CDH13: variants seen among roughly 807,000 people sequenced by gnomAD.
The protein encoded by CDH13 is cadherin-13.
Under a neutral mutation model 63.8 loss-of-function variants are expected in CDH13, and 24 were observed. The observed-to-expected ratio is 0.38, with a 90% CI of 0.27 to 0.53. The LOEUF (loss-of-function observed/expected upper bound fraction) is 0.53. CDH13 is among the 20% of genes least tolerant of loss of function. The pLI, the probability that CDH13 is intolerant of heterozygous loss-of-function variation, is 0.85. For synonymous variants in CDH13, 503 were observed against 355.3 expected (o/e 1.42, Z -4.67); for missense variants, 1,049 against 903.1 (o/e 1.16, Z -2.07).
At chr16:82,741,357 G>A (rs927481592) in intron 1 of CDH13, among the ~76,000 whole-genome samples, 7 of 152,054 alleles carry the variant, frequency 4.6e-5, no homozygotes, top group African/African-American at 1.7e-4. Flanking sequence ...ATGTTTATTC[G>A]TCAGAGCCCA....
intron 6 of CDH13, among the ~76,000 whole-genome samples, chr16:83,463,580 C>G (rs2073234087): frequency 6.6e-6 from 1 of 152,172 alleles, no homozygotes; most frequent in Admixed American, 6.5e-5. Context: ...GCAGGAGGTT[C>G]ACTTGAGCTT....
chr16:83,179,591 G>T (rs986768280), intron 4 of CDH13, among the ~76,000 whole-genome samples: 9 of 151,706 alleles, frequency 5.9e-5, no homozygotes, highest in South Asian at 2.1e-4. Context: ...GGTGGAGCTT[G>T]CAGTGAGCCG....
chr16:82,747,587 T>C (rs545114012), intron 1 of CDH13, among the ~76,000 whole-genome samples: 3 of 152,206 alleles, frequency 2.0e-5, no homozygotes, highest in South Asian at 2.1e-4. Context: ...CTTTGGAGAA[T>C]GGCACTACTG....
At chr16:83,582,553 A>G (rs1322578241) in intron 7 of CDH13, among the ~76,000 whole-genome samples, 2 of 152,188 alleles carry the variant, frequency 1.3e-5, no homozygotes, top group African/African-American at 2.4e-5. Context: ...GATCCTTCCC[A>G]GCCCACCCAC....
At chr16:83,464,732 T>C (rs1182930167) in intron 6 of CDH13, among the ~76,000 whole-genome samples, 1 of 152,144 alleles carries the variant, frequency 6.6e-6, no homozygotes, top group Non-Finnish European at 1.5e-5. Flanking sequence ...TCATTTTAAC[T>C]AATTACATCC....
intron 1 of CDH13, among the ~76,000 whole-genome samples, chr16:82,750,416 C>G (rs568436961): frequency 2.0e-5 from 3 of 152,302 alleles, no homozygotes; most frequent in Non-Finnish European, 2.9e-5. Context: ...ATCACCCACT[C>G]TCTCCTTCTT....
At chr16:82,803,212 A>G (rs1169716655) in intron 1 of CDH13, among the ~76,000 whole-genome samples, 1 of 152,238 alleles carries the variant, frequency 6.6e-6, no homozygotes, top group East Asian at 1.9e-4. Flanking sequence ...TAAGATGTGT[A>G]GTCCATGGTG....
At chr16:83,468,760 T>G (rs1030529660) in intron 6 of CDH13, among the ~76,000 whole-genome samples, 26 of 152,226 alleles carry the variant, frequency 1.7e-4, no homozygotes, top group Admixed American at 2.6e-4. Flanking sequence ...TGTGTAAAGT[T>G]TTTAAAATTT....
chr16:83,449,140 G>C (rs1164671508), intron 6 of CDH13, among the ~76,000 whole-genome samples: 1 of 152,094 alleles, frequency 6.6e-6, no homozygotes, highest in Non-Finnish European at 1.5e-5. Flanking sequence ...ACATTCCTCT[G>C]GACAAAATAA....
chr16:83,601,327 C>G (rs753188437), intron 7 of CDH13, among the ~76,000 whole-genome samples: 5 of 152,206 alleles, frequency 3.3e-5, no homozygotes, highest in African/African-American at 1.2e-4. Context: ...CTGCACTCTT[C>G]TTCATCTTAG....
intron 7 of CDH13, among the ~76,000 whole-genome samples, chr16:83,503,081 C>A (rs12444544): frequency 2.0e-5 from 3 of 152,062 alleles, no homozygotes; most frequent in African/African-American, 4.8e-5. Flanking sequence ...TCCTTGCCTC[C>A]TAGATCTGTA....
chr16:83,237,500 G>A (rs866937349), intron 5 of CDH13, among the ~76,000 whole-genome samples: 4 of 152,258 alleles, frequency 2.6e-5, no homozygotes, highest in South Asian at 4.1e-4. Flanking sequence ...AGTAGTCCAC[G>A]TGGTGACTAT....
intron 3 of CDH13, among the ~76,000 whole-genome samples, chr16:83,039,460 A>G (rs1597201873): frequency 1.3e-5 from 2 of 151,926 alleles, no homozygotes; most frequent in Non-Finnish European, 2.9e-5. Flanking sequence ...GATCTCCCCT[A>G]CTGGTCTCAC....
intron 3 of CDH13, among the ~76,000 whole-genome samples, chr16:83,038,886 C>G (rs1028473617): frequency 1.1e-4 from 16 of 152,180 alleles, no homozygotes; most frequent in African/African-American, 3.9e-4. Context: ...TAGATCATGG[C>G]AAGTAATTCT....
intron 5 of CDH13, among the ~76,000 whole-genome samples, chr16:83,221,062 G>C (rs976061780): frequency 1.3e-5 from 2 of 152,184 alleles, no homozygotes; most frequent in African/African-American, 2.4e-5. Context: ...CTCACAGCTG[G>C]CATGTATTGG....
At chr16:83,470,004 G>A (rs74399168) in intron 6 of CDH13, among the ~76,000 whole-genome samples, 3,859 of 152,216 alleles carry the variant, frequency 0.025, 168 homozygotes, top group African/African-American at 0.087. Flanking sequence ...TTACTTGGCC[G>A]TAGTCTCTGG....
In CDH13 at chr16:83,796,217, T is replaced by C. The variant is rs1904280368; in HGVS notation, c.*1187T>C. 1 of 152,298 alleles carries C rather than the reference T, an allele frequency of 6.6e-6. No homozygotes were observed. The highest frequency in any genetic ancestry group is 2.1e-4 in the South Asian group (1 of 4,834). The allele number at this position is 152,298 out of a possible 1,614,324, so 9.4% of individuals were successfully genotyped here. ...TGCTTGTTCTAAGATTACCTTCTTG[T>C]TGATAAACCATAAATGAATCATCAA... is the stretch of plus-strand genomic sequence containing the variant. On this transcript the variant is annotated 3_prime_UTR_variant, in exon 14 of 14. Transcript: ENST00000567109.
intron 4 of CDH13, among the ~76,000 whole-genome samples, chr16:83,188,923 T>A (rs2038611368): frequency 6.6e-6 from 1 of 152,164 alleles, no homozygotes; most frequent in African/African-American, 2.4e-5. Flanking sequence ...GAGGCACGCT[T>A]GGAGTGAGAC....
chr16:83,654,527 A>G (rs1912688202), intron 8 of CDH13, among the ~76,000 whole-genome samples: 1 of 152,128 alleles, frequency 6.6e-6, no homozygotes, highest in Non-Finnish European at 1.5e-5. Context: ...GAGAAGAAGC[A>G]CAAGAGGTCA....
Sources: allele counts gnomAD v4.1 joint callset (sites outside exome capture counted in the v4.1 genomes callset), GRCh38; gene constraint gnomAD v4.1.1; transcripts MANE v1.5; gene names NCBI Gene and HGNC (gene_info 2026-07-23, HGNC 2026-07-21).